Variants in DCLK1 observed in about 807,000 individuals in gnomAD.
DCLK1 encodes serine/threonine-protein kinase DCLK1.
A neutral mutation model predicts 86.2 loss-of-function variants in DCLK1; 16 were observed. The observed-to-expected ratio is 0.19, with a 90% CI of 0.13 to 0.28. The LOEUF is 0.28. DCLK1 is among the 10% of genes least tolerant of loss of function. The pLI is 1.00. For synonymous variants in DCLK1, 369 were observed against 370.5 expected (o/e 1.00, Z 0.05); for missense variants, 590 against 940.2 (o/e 0.63, Z 4.87).
intron 16 of DCLK1, among the ~76,000 whole-genome samples, chr13:35,791,376 C>T (rs1226331455): frequency 6.6e-6 from 1 of 151,622 alleles, no homozygotes; most frequent in Admixed American, 6.6e-5. Flanking sequence ...AAGTATATTA[C>T]CAGTTTGTGC....
At chr13:35,961,887 G>A (rs1878480893) in intron 3 of DCLK1, among the ~76,000 whole-genome samples, 1 of 152,150 alleles carries the variant, frequency 6.6e-6, no homozygotes, top group Admixed American at 6.5e-5. Flanking sequence ...AGTGTAATCA[G>A]ACATAAATAA....
intron 3 of DCLK1, among the ~76,000 whole-genome samples, chr13:35,993,866 A>G (rs972350767): frequency 6.6e-6 from 1 of 151,654 alleles, no homozygotes; most frequent in African/African-American, 2.4e-5. Flanking sequence ...TAGGATAAGT[A>G]TCAGCCTTGA....
intron 3 of DCLK1, among the ~76,000 whole-genome samples, chr13:36,004,304 A>T (rs1880850783): frequency 6.6e-6 from 1 of 152,198 alleles, no homozygotes; most frequent in Non-Finnish European, 1.5e-5. Context: ...AAAATTACAA[A>T]AACAAAAAAG....
chr13:35,808,411 TC>T, intron 13 of DCLK1, 91 bp from the exon 14 acceptor site: 2 of 1,034,486 alleles, frequency 1.9e-6, no homozygotes, highest in Non-Finnish European at 3.0e-6. Flanking sequence ...GCCCTTCCTT[TC>T]CCCCCATAAA....
chr13:35,930,258 T>A (rs772300330), intron 4 of DCLK1, among the ~76,000 whole-genome samples: 3 of 152,232 alleles, frequency 2.0e-5, no homozygotes, highest in Non-Finnish European at 4.4e-5. Context: ...AACTAGTACA[T>A]GTTTGGTGTG....
chr13:36,019,948 A>G (rs752742581), intron 3 of DCLK1, among the ~76,000 whole-genome samples: 4 of 152,210 alleles, frequency 2.6e-5, no homozygotes, highest in African/African-American at 4.8e-5. Context: ...TGTTTGGGTC[A>G]TGGGGGTGGA....
At chr13:35,845,888 C>A (rs1870140645) in intron 6 of DCLK1, 16 of 981,876 alleles carry the variant, frequency 1.6e-5, no homozygotes, top group Non-Finnish European at 1.9e-5. Context: ...AAGAAACTCA[C>A]TGAACAACAT....
chr13:36,042,599 G>GT (rs992960783), intron 3 of DCLK1, among the ~76,000 whole-genome samples: 63 of 152,142 alleles, frequency 4.1e-4, no homozygotes, highest in Non-Finnish European at 5.4e-4. Flanking sequence ...CTTCCAAAGG[G>GT]TACAAACAGC....
intron 5 of DCLK1, 79 bp from the exon 6 acceptor site, chr13:35,854,672 T>G (rs1284852108): frequency 1.5e-5 from 19 of 1,292,158 alleles, no homozygotes; most frequent in African/African-American, 3.0e-5. Context: ...CTGCAAGAAA[T>G]AAACAATTAT....
intron 4 of DCLK1, among the ~76,000 whole-genome samples, chr13:35,936,536 T>C (rs969654144): frequency 6.6e-6 from 1 of 152,238 alleles, no homozygotes; most frequent in African/African-American, 2.4e-5. Context: ...AATTCCATCA[T>C]TCCAAAAGAG....
In DCLK1 at chr13:35,771,498, G is replaced by A. The variant is rs1331877348; in HGVS notation, c.*3037C>T. 2 of 151,952 alleles carry A rather than the reference G, an allele frequency of 1.3e-5. No homozygotes were observed. Among genetic ancestry groups the A allele is most frequent in the African/African-American group, 4.8e-5 (2 of 41,352 alleles). The allele number at this position is 151,952 out of a possible 1,614,324, so 9.4% of individuals were successfully genotyped here. On this transcript the variant is annotated 3_prime_UTR_variant, in exon 17 of 17. Transcript: ENST00000360631. ...AAATCACATATTCATTGATCATGAC[G>A]AATAAAATGATTTCTGCTACAATGT...
At chr13:36,110,245 C>T (rs1885563194) in intron 3 of DCLK1, among the ~76,000 whole-genome samples, 1 of 152,086 alleles carries the variant, frequency 6.6e-6, no homozygotes, top group Admixed American at 6.6e-5. Flanking sequence ...GTGAAGTTTG[C>T]CATCTTATTG....
Position 35,922,485 on chromosome 13 carries a change from C to G in DCLK1, c.823+24873G>C, listed in dbSNP as rs137967284. On this transcript the variant is annotated intron_variant, in intron 4 of 16. Coordinates refer to ENST00000360631, the MANE Select transcript of DCLK1 (RefSeq NM_001330071.2). ...ATAGAGCATTGGCGGACAGTCAGAC[C>G]CAGGTTCTGAATCTATTTCTTTGAC... Among the ~76,000 whole-genome samples, 448 of 152,208 alleles carry G rather than the reference C, an allele frequency of 2.9e-3. 3 individuals are homozygous for G. The highest frequency in any genetic ancestry group is 0.01 in the African/African-American group (418 of 41,524).
intron 4 of DCLK1, among the ~76,000 whole-genome samples, chr13:35,894,928 C>T (rs999152166): frequency 3.9e-5 from 6 of 152,146 alleles, no homozygotes; most frequent in Non-Finnish European, 7.4e-5. Flanking sequence ...TAATCATATT[C>T]AAGTAGACTT....
At chr13:35,941,286 G>T (rs1222590403) in intron 4 of DCLK1, among the ~76,000 whole-genome samples, 1 of 152,172 alleles carries the variant, frequency 6.6e-6, no homozygotes, top group Non-Finnish European at 1.5e-5. Flanking sequence ...ATTAGGGAAA[G>T]TGATCAGAAC....
At chr13:35,823,874 C>T (rs2087457036) in intron 10 of DCLK1, among the ~76,000 whole-genome samples, 1 of 152,216 alleles carries the variant, frequency 6.6e-6, no homozygotes, top group Non-Finnish European at 1.5e-5. Flanking sequence ...CCCTCTGTGC[C>T]CCTGTACAGT....
At chr13:35,923,331 A>G (rs989628149) in intron 4 of DCLK1, among the ~76,000 whole-genome samples, 12 of 150,432 alleles carry the variant, frequency 8.0e-5, no homozygotes, top group African/African-American at 2.9e-4. Flanking sequence ...TTGACTTCCA[A>G]CCCGGCTCTG....
chr13:36,010,230 C>T (rs1881210580), intron 3 of DCLK1, among the ~76,000 whole-genome samples: 1 of 80,532 alleles, frequency 1.2e-5, no homozygotes, highest in Non-Finnish European at 2.3e-5. Context: ...CTTCTCCTGC[C>T]TGATTGCCCT....
chr13:36,031,740 T>C (rs963180836), intron 3 of DCLK1, among the ~76,000 whole-genome samples: 1 of 152,212 alleles, frequency 6.6e-6, no homozygotes, highest in Non-Finnish European at 1.5e-5. Context: ...AGCATGGTCT[T>C]CTGATCCCCT....
Sources: allele counts gnomAD v4.1 joint callset (sites outside exome capture counted in the v4.1 genomes callset), GRCh38; gene constraint gnomAD v4.1.1; transcripts MANE v1.5; gene names NCBI Gene and HGNC (gene_info 2026-07-23, HGNC 2026-07-21).